BCAR3: variants seen among roughly 807,000 people sequenced by gnomAD.
BCAR3 encodes the protein breast cancer anti-estrogen resistance protein 3.
In BCAR3, 37 loss-of-function variants were observed where a neutral mutation model predicts 80.1. That is an observed-to-expected ratio of 0.46 (90% CI 0.36 to 0.61). The LOEUF (loss-of-function observed/expected upper bound fraction) is 0.61. BCAR3 is among the 20% of genes least tolerant of loss of function. BCAR3 has a pLI of 0.00. For missense variants in BCAR3, 978 were observed against 1,068.2 expected (o/e 0.92, Z 1.18); for synonymous variants, 389 against 418.9 (o/e 0.93, Z 0.87).
At chr1:93,769,676 C>T (rs1033457511) in intron 2 of BCAR3, among the ~76,000 whole-genome samples, 6 of 152,098 alleles carry the variant, frequency 3.9e-5, no homozygotes, top group Non-Finnish European at 8.8e-5. Flanking sequence ...AGTTTAACCC[C>T]ACTTGGAGCC....
intron 3 of BCAR3, among the ~76,000 whole-genome samples, chr1:93,691,397 A>G (rs1649181899): frequency 1.3e-5 from 2 of 152,256 alleles, no homozygotes; most frequent in South Asian, 4.1e-4. Flanking sequence ...TGACAGACAC[A>G]CCCCTTCCCT....
At chr1:93,702,590 G>C (rs954033550) in intron 3 of BCAR3, among the ~76,000 whole-genome samples, 1 of 152,200 alleles carries the variant, frequency 6.6e-6, no homozygotes. Flanking sequence ...CCCTGTCTTC[G>C]ATTTGACTCT....
rs1655082555 is a variant in BCAR3 at position 93,844,719 on chromosome 1, T to TG, written c.-63+847_-63+848insC. ...GACTTTCTTCTTTTTTTTTTTTTTT[T>TG]TCTTTTGGAGATGGGGTCTCATTCT... On this transcript the variant is annotated intron_variant, in intron 2 of 13. Coordinates refer to the BCAR3 transcript ENST00000370244. Among the ~76,000 whole-genome samples, 4 of 149,838 alleles carry TG rather than the reference T, an allele frequency of 2.7e-5. No homozygotes were observed. In the South Asian group the frequency reaches 8.3e-4, roughly 31 times the overall value.
At chr1:93,731,446 C>G (rs543147039) in intron 2 of BCAR3, among the ~76,000 whole-genome samples, 2 of 151,936 alleles carry the variant, frequency 1.3e-5, no homozygotes, top group Non-Finnish European at 2.9e-5. Flanking sequence ...TTTTTCCAAT[C>G]TAGGAGAGGC....
At chr1:93,737,497 G>A (rs971818274) in intron 2 of BCAR3, among the ~76,000 whole-genome samples, 6 of 152,262 alleles carry the variant, frequency 3.9e-5, no homozygotes, top group Admixed American at 3.9e-4. Context: ...AGGAATGTCG[G>A]GGATGTTGGC....
In BCAR3 at chr1:93,584,745, C is replaced by T. The variant is rs139968008; in HGVS notation, c.930-624G>A. Among the ~76,000 whole-genome samples, 153 of 152,352 alleles carry T rather than the reference C, an allele frequency of 1.0e-3. 1 individual carries two copies. Among genetic ancestry groups the T allele is most frequent in the African/African-American group, 3.1e-3 (127 of 41,586 alleles). The stretch of plus-strand genomic sequence containing the variant: ...CACCAAGCAGCAGTTGGGAGGCACA[C>T]TGTGTAACCACACAAGGAAAAGGTG... On this transcript the variant is annotated intron_variant, in intron 5 of 11. Coordinates refer to ENST00000260502, the MANE Select transcript of BCAR3 (RefSeq NM_003567.4).
intron 3 of BCAR3, among the ~76,000 whole-genome samples, chr1:93,612,388 G>A (rs183940128): frequency 6.6e-6 from 1 of 152,080 alleles, no homozygotes; most frequent in African/African-American, 2.4e-5. Flanking sequence ...AGGACAGCTG[G>A]ACCCGACTAC....
At chr1:93,675,925 C>CAAAA (rs58706715) in intron 1 of BCAR3, among the ~76,000 whole-genome samples, 13 of 51,422 alleles carry the variant, frequency 2.5e-4, no homozygotes, top group Non-Finnish European at 3.8e-4. Context: ...AAATAGGAGA[C>CAAAA]AAAAAAAAAA....
intron 2 of BCAR3, among the ~76,000 whole-genome samples, chr1:93,648,429 G>A (rs1180193398): frequency 2.6e-5 from 4 of 152,158 alleles, no homozygotes; most frequent in South Asian, 2.1e-4. Flanking sequence ...GGTCTTCAAC[G>A]AGGTTTGACT....
intron 3 of BCAR3, among the ~76,000 whole-genome samples, chr1:93,695,082 A>G (rs1234484405): frequency 6.6e-6 from 1 of 152,082 alleles, no homozygotes; most frequent in Non-Finnish European, 1.5e-5. Flanking sequence ...CTGGCCCTTG[A>G]GCATAATCCT....
rs117545682 is a variant in BCAR3 at position 93,655,087 on chromosome 1, G to A, written c.318-12744C>T. On this transcript the variant is annotated intron_variant, in intron 2 of 11. Transcript: ENST00000260502. ...AGAGAACAATAAACCTAAGCGCAGCGTTCGGGGCAGCAGCAGGAACAGTAA... is the reference window on the plus strand; with the variant it reads ...AGAGAACAATAAACCTAAGCGCAGCATTCGGGGCAGCAGCAGGAACAGTAA... 3.7e-3 allele frequency among the ~76,000 whole-genome samples: 561 copies of A among 152,270 alleles called. 7 individuals are homozygous for A. The East Asian group carries it at 0.051, about 14-fold the overall frequency.
chr1:93,674,693 G>A lies in BCAR3; in HGVS notation c.238C>T (p.Arg80Trp), dbSNP rs771455481. The A allele has an allele frequency of 5.5e-5, 89 of 1,613,982 alleles. No individual in the cohort carries two copies. Among genetic ancestry groups the A allele is most frequent in the Non-Finnish European group, 6.6e-5 (78 of 1,180,020 alleles). The change falls in exon 2 of 12, where the codon CGG becomes TGG. Residue 80 changes from arginine to tryptophan, a missense_variant. Coordinates refer to ENST00000260502, the MANE Select transcript of BCAR3 (RefSeq NM_003567.4). The stretch of plus-strand genomic sequence containing the variant: ...TCCTGGGTCACAGGCGAGTTCTGCC[G>A]TGGGGATTTGGAGTGGGGGAGGGTG... ...MGTLPHSKSP[R>W]QNSPVTQDGI...
chr1:93,631,494 T>G (rs571956961), intron 3 of BCAR3, among the ~76,000 whole-genome samples: 1 of 152,064 alleles, frequency 6.6e-6, no homozygotes, highest in Admixed American at 6.5e-5. Flanking sequence ...CCAGAGACAC[T>G]AGGGAAAGCC....
intron 8 of BCAR3, among the ~76,000 whole-genome samples, chr1:93,574,195 G>C (rs764197922): frequency 2.6e-5 from 4 of 152,178 alleles, no homozygotes; most frequent in Non-Finnish European, 5.9e-5. Flanking sequence ...ACTCAGGCTG[G>C]CAAATCTGCA....
intron 2 of BCAR3, among the ~76,000 whole-genome samples, chr1:93,783,634 G>A (rs763079513): frequency 6.6e-6 from 1 of 152,194 alleles, no homozygotes; most frequent in African/African-American, 2.4e-5. Context: ...ACTCATAAAT[G>A]TTGAGGGAAC....
intron 2 of BCAR3, among the ~76,000 whole-genome samples, chr1:93,644,508 C>T (rs142054254): frequency 2.2e-4 from 34 of 152,320 alleles, no homozygotes; most frequent in African/African-American, 7.9e-4. Flanking sequence ...ATTTGATTGA[C>T]GGATGGCTCA....
At chr1:93,682,438 T>C (rs959720826), upstream of BCAR3, among the ~76,000 whole-genome samples, 2 of 152,214 alleles carry the variant, frequency 1.3e-5, no homozygotes, top group Admixed American at 1.3e-4. Flanking sequence ...ATTTACAATA[T>C]GTGGTCACTT....
rs537152091 is a variant in BCAR3 at position 93,589,342 on chromosome 1, C to G, written c.564G>C (p.Leu188=). The G allele has an allele frequency of 1.9e-5, 30 of 1,614,136 alleles. No homozygotes were observed. In the South Asian group the frequency reaches 3.1e-4, roughly 17 times the overall value. Residue 188 remains leucine, a synonymous_variant, in exon 5 of 12, where the codon CTG becomes CTC. Coordinates refer to ENST00000260502, the MANE Select transcript of BCAR3 (RefSeq NM_003567.4). ...DSLSSPGNFV[L]TCQWKNLAQH... ...GAGCGAGGTTCTTCCACTGACAGGT[C>G]AGGACAAAGTTCCCAGGGCTGGACA...
intron 3 of BCAR3, among the ~76,000 whole-genome samples, chr1:93,607,111 A>G (rs112907288): frequency 3.2e-4 from 49 of 152,226 alleles, no homozygotes; most frequent in African/African-American, 1.2e-3. Flanking sequence ...GGGCGGAGGG[A>G]TAGGGAGTGA....
Sources: allele counts gnomAD v4.1 joint callset (sites outside exome capture counted in the v4.1 genomes callset), GRCh38; gene constraint gnomAD v4.1.1; transcripts MANE v1.5; gene names NCBI Gene and HGNC (gene_info 2026-07-23, HGNC 2026-07-21).